The following TRPC4 variants were observed in gnomAD, a reference collection of about 807,000 sequenced individuals.
TRPC4 encodes short transient receptor potential channel 4.
Under a neutral mutation model 99.4 loss-of-function variants are expected in TRPC4, and 49 were observed. The observed-to-expected ratio is 0.49, with a 90% CI of 0.39 to 0.63. The LOEUF (loss-of-function observed/expected upper bound fraction) is 0.63, where lower values mean the gene tolerates loss of function less well. Among genes scored for constraint, TRPC4 ranks in the 20% least tolerant of loss-of-function variants. The pLI is 0.00. For synonymous variants in TRPC4, 454 were observed against 425.9 expected (o/e 1.07, Z -0.81); for missense variants, 898 against 1,152.9 (o/e 0.78, Z 3.20).
chr13:37,816,603 G>T (rs1957863101), intron 1 of TRPC4, among the ~76,000 whole-genome samples: 1 of 151,884 alleles, frequency 6.6e-6, no homozygotes, highest in Non-Finnish European at 1.5e-5. Context: ...TATCCTTGAA[G>T]AACATTGATG....
intron 7 of TRPC4, among the ~76,000 whole-genome samples, chr13:37,653,987 AT>A (rs1952135011): frequency 6.6e-6 from 1 of 152,178 alleles, no homozygotes; most frequent in South Asian, 2.1e-4. Flanking sequence ...GTATCCACAA[AT>A]TCGGGTATTA....
chr13:37,834,375 G>T (rs1451236263), intron 1 of TRPC4, among the ~76,000 whole-genome samples: 3 of 152,138 alleles, frequency 2.0e-5, no homozygotes, highest in Non-Finnish European at 4.4e-5. Flanking sequence ...GTTAAGGAAA[G>T]TTCCTACTTA....
chr13:37,696,728 T>C (rs1026770593), intron 3 of TRPC4, among the ~76,000 whole-genome samples: 1 of 152,182 alleles, frequency 6.6e-6, no homozygotes, highest in Non-Finnish European at 1.5e-5. Flanking sequence ...TTCATATACA[T>C]ACCAGTATGC....
Position 37,658,921 on chromosome 13 carries a change from A to G in TRPC4, c.1689-3638T>C, listed in dbSNP as rs118160002. ...AGAAAAGGCCTCCTGCAAAAGGTATATCTGAGGTAGGATTTGGAAAAAAAA... is the reference window on the plus strand; with the variant it reads ...AGAAAAGGCCTCCTGCAAAAGGTATGTCTGAGGTAGGATTTGGAAAAAAAA... On this transcript the variant is annotated intron_variant, in intron 6 of 10. Coordinates refer to ENST00000379705, the MANE Select transcript of TRPC4 (RefSeq NM_016179.4). Among the ~76,000 whole-genome samples, 1,461 of 152,244 alleles carry G rather than the reference A, an allele frequency of 9.6e-3. 8 individuals are homozygous for G. Among genetic ancestry groups the G allele is most frequent in the South Asian group, 0.026 (125 of 4,820 alleles).
At chr13:37,688,694 A>T (rs1223616593) in intron 4 of TRPC4, among the ~76,000 whole-genome samples, 3 of 152,216 alleles carry the variant, frequency 2.0e-5, no homozygotes, top group African/African-American at 4.8e-5. Context: ...TAGTACAAAT[A>T]AAAAAGTATT....
intron 7 of TRPC4, among the ~76,000 whole-genome samples, chr13:37,652,916 G>C (rs888636802): frequency 2.0e-5 from 3 of 152,116 alleles, no homozygotes; most frequent in African/African-American, 7.2e-5. Flanking sequence ...ATGGTGCTTA[G>C]AAAATCTGGA....
At chr13:37,823,141 G>A (rs1210927988) in intron 1 of TRPC4, among the ~76,000 whole-genome samples, 3 of 150,796 alleles carry the variant, frequency 2.0e-5, no homozygotes, top group African/African-American at 7.3e-5. Flanking sequence ...TTGTAAATTT[G>A]TTGGAGTTCA....
chr13:37,667,042 C>G (rs1952667709), intron 5 of TRPC4, among the ~76,000 whole-genome samples: 1 of 152,186 alleles, frequency 6.6e-6, no homozygotes, highest in African/African-American at 2.4e-5. Flanking sequence ...ACCACCTTTG[C>G]ATCCTGAAAC....
chr13:37,772,994 C>CA (rs1956597783), intron 2 of TRPC4, among the ~76,000 whole-genome samples: 1 of 151,712 alleles, frequency 6.6e-6, no homozygotes, highest in Non-Finnish European at 1.5e-5. Context: ...TCTCTTCCTA[C>CA]AACAATCTAA....
chr13:37,726,197 C>T (rs978874974), intron 3 of TRPC4, among the ~76,000 whole-genome samples: 4 of 148,010 alleles, frequency 2.7e-5, no homozygotes, highest in Non-Finnish European at 4.5e-5. Context: ...CACCGTCCCC[C>T]CCCAAAAAAA....
At chr13:37,649,761 CA>C (rs1455824451) in intron 8 of TRPC4, among the ~76,000 whole-genome samples, 1 of 57,058 alleles carries the variant, frequency 1.8e-5, no homozygotes, top group Non-Finnish European at 3.7e-5. Flanking sequence ...AAAAAAAAAA[CA>C]ACAACAAAGA....
chr13:37,859,127 G>A (rs1959201080), intron 1 of TRPC4, among the ~76,000 whole-genome samples: 1 of 151,260 alleles, frequency 6.6e-6, no homozygotes, highest in Non-Finnish European at 1.5e-5. Context: ...TTTACAGATA[G>A]GACATGGTGA....
chr13:37,781,879 A>G (rs1593728363), intron 2 of TRPC4, among the ~76,000 whole-genome samples: 1 of 151,458 alleles, frequency 6.6e-6, no homozygotes, highest in African/African-American at 2.4e-5. Flanking sequence ...AATGGCAAAG[A>G]TTCTGATAAA....
At chr13:37,671,412 C>G (rs1161780816) in intron 5 of TRPC4, among the ~76,000 whole-genome samples, 3 of 152,036 alleles carry the variant, frequency 2.0e-5, no homozygotes, top group Non-Finnish European at 4.4e-5. Context: ...CATTCAATAA[C>G]TTGTCCCATA....
chr13:37,792,776 CA>C lies in TRPC4; in HGVS notation c.-27-9417del, dbSNP rs71709950. ...GTGTGTGTGTACGTGGATGTGCAAA[CA>C]AAAAAAAAGACAAAATGCTTAAATT... On this transcript the variant is annotated intron_variant, in intron 1 of 10. Transcript: ENST00000379705. 1.6e-3 allele frequency among the ~76,000 whole-genome samples: 238 copies of C among 144,566 alleles called. 2 individuals carry two copies. The East Asian group carries it at 0.043, about 26-fold the overall frequency. 94.8% of individuals were successfully genotyped at this position (144,566 alleles called of 152,430 possible).
At chr13:37,768,952 C>A (rs1462948132) in intron 2 of TRPC4, among the ~76,000 whole-genome samples, 2 of 151,174 alleles carry the variant, frequency 1.3e-5, no homozygotes, top group Non-Finnish European at 3.0e-5. Flanking sequence ...TTTTGCTAGA[C>A]AATTAAGCAA....
chr13:37,832,006 T>C (rs1477820739), intron 1 of TRPC4, among the ~76,000 whole-genome samples: 1 of 152,150 alleles, frequency 6.6e-6, no homozygotes. Context: ...ATGTGTTGTA[T>C]ATTTCAAAAT....
chr13:37,755,126 T>C (rs1416393620), intron 2 of TRPC4, among the ~76,000 whole-genome samples: 2 of 152,092 alleles, frequency 1.3e-5, no homozygotes, highest in Non-Finnish European at 2.9e-5. Context: ...GTGACATTCA[T>C]ACAATTTAAG....
intron 5 of TRPC4, among the ~76,000 whole-genome samples, chr13:37,673,335 T>C (rs970256781): frequency 1.3e-5 from 2 of 152,064 alleles, no homozygotes; most frequent in Non-Finnish European, 2.9e-5. Context: ...TACCTGAAGG[T>C]TGCCCACAGA....
Sources: allele counts gnomAD v4.1 joint callset (sites outside exome capture counted in the v4.1 genomes callset), GRCh38; gene constraint gnomAD v4.1.1; transcripts MANE v1.5; gene names NCBI Gene and HGNC (gene_info 2026-07-23, HGNC 2026-07-21).